Variants in CD86 observed in about 807,000 individuals in gnomAD.
CD86 encodes the protein CD86 molecule, also known as T-lymphocyte activation antigen CD86.
CD86 carries 11 observed loss-of-function variants against 32.1 expected under a neutral mutation model. The ratio of observed to expected loss-of-function variants is 0.34; its 90% confidence interval spans 0.22 to 0.57. The LOEUF (loss-of-function observed/expected upper bound fraction) is 0.57, where lower values mean the gene tolerates loss of function less well. Among genes scored for constraint, CD86 ranks in the 20% least tolerant of loss-of-function variants. The probability of loss-of-function intolerance (pLI) is 0.86; values close to 1 mark genes in which losing one functional copy is unlikely to be tolerated. For missense variants in CD86, 359 were observed against 398.4 expected (o/e 0.90, Z 0.84); for synonymous variants, 137 against 135.3 (o/e 1.01, Z -0.09).
intron 4 of CD86, among the ~76,000 whole-genome samples, chr3:122,107,152 G>A (rs147492955): frequency 2.6e-5 from 4 of 152,316 alleles, no homozygotes; most frequent in Non-Finnish European, 5.9e-5. Context: ...CAAGATCCCT[G>A]AGGGTCAGGG....
chr3:122,111,266 A>C (rs953301602), intron 5 of CD86, among the ~76,000 whole-genome samples: 2 of 152,176 alleles, frequency 1.3e-5, no homozygotes, highest in African/African-American at 4.8e-5. Context: ...TATATTTGTA[A>C]ATTTGGATTC....
At chr3:122,119,261 G>C (rs1253289936) in intron 6 of CD86, among the ~76,000 whole-genome samples, 177 bp from the exon 7 acceptor site, 1 of 152,220 alleles carries the variant, frequency 6.6e-6, no homozygotes, top group African/African-American at 2.4e-5. Context: ...TTGAAGCATA[G>C]ATGACAGTGT....
intron 6 of CD86, among the ~76,000 whole-genome samples, 171 bp from the exon 7 acceptor site, chr3:122,119,267 A>G (rs2073304891): frequency 6.6e-6 from 1 of 152,218 alleles, no homozygotes; most frequent in Non-Finnish European, 1.5e-5. Flanking sequence ...CATAGATGAC[A>G]GTGTAGACCG....
intron 1 of CD86, among the ~76,000 whole-genome samples, chr3:122,078,506 T>A (rs571450085): frequency 6.6e-6 from 1 of 152,284 alleles, no homozygotes; most frequent in African/African-American, 2.4e-5. Context: ...TTGGCTTTCC[T>A]GTTTGACCTT....
chr3:122,097,373 G>C (rs1335024300), intron 2 of CD86, among the ~76,000 whole-genome samples: 1 of 152,198 alleles, frequency 6.6e-6, no homozygotes. Context: ...GGGAGAGAGA[G>C]AGCTGAGTTG....
At chr3:122,070,166 T>G (rs1241640277) in intron 1 of CD86, among the ~76,000 whole-genome samples, 1 of 152,218 alleles carries the variant, frequency 6.6e-6, no homozygotes, top group Non-Finnish European at 1.5e-5. Context: ...TACCTCTTGG[T>G]GTCCCTTGCC....
chr3:122,083,268 T>C (rs1296663389), intron 1 of CD86, among the ~76,000 whole-genome samples: 1 of 152,194 alleles, frequency 6.6e-6, no homozygotes, highest in Non-Finnish European at 1.5e-5. Flanking sequence ...TCTTTGGTGG[T>C]TCACATATAA....
At chr3:122,096,922 G>A (rs541363523) in intron 2 of CD86, among the ~76,000 whole-genome samples, 45 of 152,170 alleles carry the variant, frequency 3.0e-4, no homozygotes, top group African/African-American at 1.1e-3. Flanking sequence ...CTCTAATTTT[G>A]TGCACATGTA....
At chr3:122,085,838 C>A (rs2072708150) in intron 1 of CD86, among the ~76,000 whole-genome samples, 1 of 152,318 alleles carries the variant, frequency 6.6e-6, no homozygotes, top group Middle Eastern at 3.4e-3. Flanking sequence ...GCTCTACTCT[C>A]CTCTCAGCGA....
Position 122,068,156 on chromosome 3 carries a change from T to A in CD86, c.14+12653T>A, listed in dbSNP as rs2072440174. 2.0e-5 allele frequency among the ~76,000 whole-genome samples: 3 copies of A among 152,314 alleles called. No homozygotes were observed. In the South Asian group the frequency reaches 6.2e-4, roughly 32 times the overall value. ...TGGTTTTGTTTTTTAACAAGTTTAGTCATATTGCCTGTGTTCTATATACCC... is the reference window on the plus strand; with the variant it reads ...TGGTTTTGTTTTTTAACAAGTTTAGACATATTGCCTGTGTTCTATATACCC... On this transcript the variant is annotated intron_variant, in intron 1 of 6. Coordinates refer to ENST00000330540, the MANE Select transcript of CD86 (RefSeq NM_175862.5).
chr3:122,100,843 C>A (rs1159179515), intron 2 of CD86, among the ~76,000 whole-genome samples: 1 of 152,168 alleles, frequency 6.6e-6, no homozygotes, highest in Non-Finnish European at 1.5e-5. Context: ...GGGAGAGATT[C>A]TCAATGCTTA....
chr3:122,079,264 C>T (rs141638600), intron 1 of CD86, among the ~76,000 whole-genome samples: 471 of 152,334 alleles, frequency 3.1e-3, no homozygotes, highest in South Asian at 0.013. Flanking sequence ...TCTTGAATTT[C>T]ATATGCCTCT....
At chr3:122,089,106 T>C (rs2072771859) in intron 1 of CD86, among the ~76,000 whole-genome samples, 2 of 152,212 alleles carry the variant, frequency 1.3e-5, no homozygotes, top group African/African-American at 4.8e-5. Context: ...TGAGTTTACT[T>C]ATACCCTAAG....
chr3:122,083,986 T>C (rs555367297), intron 1 of CD86, among the ~76,000 whole-genome samples: 4 of 152,258 alleles, frequency 2.6e-5, no homozygotes, highest in African/African-American at 9.6e-5. Context: ...TTGTGGCTTG[T>C]ATTGTATTCT....
intron 5 of CD86, 40 bp downstream of exon 5, chr3:122,109,448 C>T (rs1188150608): frequency 6.2e-7 from 1 of 1,610,456 alleles, no homozygotes; most frequent in Non-Finnish European, 8.5e-7. Flanking sequence ...TGTCACTTTG[C>T]ACCTACTTCC....
chr3:122,096,114 G>A (rs1016424094), intron 2 of CD86, among the ~76,000 whole-genome samples: 14 of 152,336 alleles, frequency 9.2e-5, no homozygotes, highest in Admixed American at 9.2e-4. Context: ...CCAGGCTAGA[G>A]GAGTGCAGTG....
intron 1 of CD86, among the ~76,000 whole-genome samples, chr3:122,074,397 T>G (rs2072529992): frequency 6.6e-6 from 1 of 152,222 alleles, no homozygotes; most frequent in Non-Finnish European, 1.5e-5. Flanking sequence ...TGAACTTGTA[T>G]CTCTTCTGCT....
At chr3:122,084,435 G>A (rs989724843) in intron 1 of CD86, among the ~76,000 whole-genome samples, 8 of 152,224 alleles carry the variant, frequency 5.3e-5, no homozygotes, top group Admixed American at 1.3e-4. Flanking sequence ...TGCAAAAGCA[G>A]CCATAGATAA....
chr3:122,080,466 G>T lies in CD86; in HGVS notation c.15-11135G>T, dbSNP rs145287003. On this transcript the variant is annotated intron_variant, in intron 1 of 6. Coordinates refer to ENST00000330540, the MANE Select transcript of CD86 (RefSeq NM_175862.5). ...TCGCCATGCTATGCTCCTTCTTCTA[G>T]GCCAGTGAGGGGAACGCATTCTTCA... Among the ~76,000 whole-genome samples, 277 of 152,196 alleles carry T rather than the reference G, an allele frequency of 1.8e-3. 1 individual carries two copies. The highest frequency in any genetic ancestry group is 3.4e-3 in the Middle Eastern group (1 of 294).
Sources: gnomAD v4.1 joint callset for allele counts (sites outside exome capture counted in the v4.1 genomes callset) on GRCh38, gnomAD v4.1.1 for gene constraint, MANE v1.5 for transcripts, NCBI Gene and HGNC (gene_info 2026-07-23, HGNC 2026-07-21) for gene names.